The following RAD51B variants were observed in gnomAD, a reference collection of about 807,000 sequenced individuals.
RAD51B encodes the protein RAD51 paralog B, also known as DNA repair protein RAD51 homolog 2.
RAD51B carries 38 observed loss-of-function variants against 42.2 expected under a neutral mutation model. That is an observed-to-expected ratio of 0.90 (90% confidence interval 0.70 to 1.18). The LOEUF (loss-of-function observed/expected upper bound fraction) is 1.18. Among genes scored for constraint, RAD51B ranks in the 50% most tolerant of loss-of-function variants. The probability of loss-of-function intolerance (pLI) is 0.00; values close to 1 mark genes in which losing one functional copy is unlikely to be tolerated. For synonymous variants in RAD51B, 154 were observed against 145.2 expected (o/e 1.06, Z -0.43); for missense variants, 373 against 400.7 (o/e 0.93, Z 0.59).
At chr14:68,021,504 T>C (rs1257026627) in intron 7 of RAD51B, among the ~76,000 whole-genome samples, 2 of 152,230 alleles carry the variant, frequency 1.3e-5, no homozygotes. Flanking sequence ...CGTCATTTTT[T>C]CACCTACTAT....
Position 68,508,966 on chromosome 14 carries a change from T to G in RAD51B, c.1036+40716T>G, listed in dbSNP as rs569238058. On this transcript the variant is annotated intron_variant, in intron 10 of 10. Transcript: ENST00000487270. ...TGGCTCTCCATCACTGTGCCTGCCA[T>G]GCAATCATAATCCTCCCCTTTCTGT... 2.6e-5 allele frequency among the ~76,000 whole-genome samples: 4 copies of G among 152,354 alleles called. No homozygotes were observed. The East Asian group carries it at 5.8e-4, about 22-fold the overall frequency.
intron 9 of RAD51B, among the ~76,000 whole-genome samples, chr14:68,432,839 G>A (rs1053577343): frequency 6.6e-6 from 1 of 152,120 alleles, no homozygotes; most frequent in African/African-American, 2.4e-5. Context: ...GTTTCTTCCT[G>A]GCATCGATGG....
chr14:68,087,375 C>CAAAGTACCTCTAGCCAGTCTACCTTAAA (rs2140505006), intron 7 of RAD51B, among the ~76,000 whole-genome samples: 1 of 152,230 alleles, frequency 6.6e-6, no homozygotes, highest in East Asian at 1.9e-4. Context: ...TTCCCATTGT[C>CAAAGTACCTCTAGCCAGTCTACCTTAAA]AAAGTACCTC....
At chr14:68,186,279 A>G (rs1339841363) in intron 7 of RAD51B, among the ~76,000 whole-genome samples, 1 of 152,234 alleles carries the variant, frequency 6.6e-6, no homozygotes, top group Non-Finnish European at 1.5e-5. Context: ...AACCTAGGAA[A>G]TACCATTTTG....
At chr14:68,358,476 C>T (rs1030602267) in intron 8 of RAD51B, among the ~76,000 whole-genome samples, 1 of 152,204 alleles carries the variant, frequency 6.6e-6, no homozygotes, top group Non-Finnish European at 1.5e-5. Context: ...TTTGCATGAC[C>T]ATCAGCAGTG....
intron 4 of RAD51B, among the ~76,000 whole-genome samples, chr14:67,850,853 C>T (rs1183387912): frequency 6.6e-6 from 1 of 152,130 alleles, no homozygotes. Flanking sequence ...GATTGTTGCC[C>T]AGTCACACCC....
intron 7 of RAD51B, among the ~76,000 whole-genome samples, chr14:67,929,052 T>C (rs2044633674): frequency 6.6e-6 from 1 of 152,136 alleles, no homozygotes; most frequent in African/African-American, 2.4e-5. Flanking sequence ...TTTCCAATGA[T>C]CAACGTTTTG....
chr14:67,823,046 T>C (rs914324548), intron 1 of RAD51B, among the ~76,000 whole-genome samples: 2 of 152,206 alleles, frequency 1.3e-5, no homozygotes, highest in African/African-American at 4.8e-5. Flanking sequence ...AATGTGATAA[T>C]TTAGATAAGT....
At chr14:68,493,263 A>G (rs1884223876) in intron 10 of RAD51B, among the ~76,000 whole-genome samples, 1 of 152,248 alleles carries the variant, frequency 6.6e-6, no homozygotes, top group Non-Finnish European at 1.5e-5. Flanking sequence ...TTTGTGCTCA[A>G]AATCTCACTA....
chr14:68,649,554 G>A (rs1892656537), intron 10 of RAD51B, among the ~76,000 whole-genome samples: 26 of 152,186 alleles, frequency 1.7e-4, no homozygotes, highest in Admixed American at 1.7e-3. Flanking sequence ...CCATTTTCAA[G>A]TCTAGGTTCC....
rs915848773 is a variant in RAD51B at position 68,358,626 on chromosome 14, T to C, written c.854-52798T>C. Among the ~76,000 whole-genome samples, 4 of 152,210 alleles carry C rather than the reference T, an allele frequency of 2.6e-5. No homozygotes were observed. The South Asian group carries it at 8.3e-4, about 31-fold the overall frequency. On this transcript the variant is annotated intron_variant, in intron 8 of 10. Coordinates refer to ENST00000471583, the MANE Select transcript of RAD51B (RefSeq NM_133510.4). The stretch of plus-strand genomic sequence containing the variant: ...CTTTGATTACTAGTGAGATGAAGCA[T>C]CTTTTTGTATGTTTATTGCCCACTT...
chr14:67,864,839 T>A, intron 4 of RAD51B, 164 bp from the exon 5 acceptor site: 2 of 1,143,922 alleles, frequency 1.7e-6, no homozygotes, highest in Non-Finnish European at 2.5e-6. Flanking sequence ...AGTTAATTCA[T>A]TCCATACAAT....
At chr14:68,222,782 A>C (rs571388075) in intron 7 of RAD51B, among the ~76,000 whole-genome samples, 2 of 152,258 alleles carry the variant, frequency 1.3e-5, no homozygotes, top group South Asian at 4.2e-4. Context: ...TATGCCTGGA[A>C]ATACCTCACA....
chr14:67,848,563 G>A (rs1248762799), intron 4 of RAD51B, among the ~76,000 whole-genome samples: 3 of 151,918 alleles, frequency 2.0e-5, no homozygotes, highest in African/African-American at 7.3e-5. Flanking sequence ...TTTTAAGTGG[G>A]GTGTTTAGAA....
At chr14:68,049,041 A>G (rs1195428446) in intron 7 of RAD51B, among the ~76,000 whole-genome samples, 1 of 152,210 alleles carries the variant, frequency 6.6e-6, no homozygotes, top group Non-Finnish European at 1.5e-5. Flanking sequence ...AAAAATGATG[A>G]GTTCATGTCC....
chr14:68,351,098 G>C (rs1410066109), intron 8 of RAD51B, among the ~76,000 whole-genome samples: 2 of 152,204 alleles, frequency 1.3e-5, no homozygotes, highest in Non-Finnish European at 2.9e-5. Flanking sequence ...GTAGGATACA[G>C]AGACAAGTAA....
intron 8 of RAD51B, among the ~76,000 whole-genome samples, chr14:68,336,239 A>G (rs560297312): frequency 2.0e-5 from 3 of 152,344 alleles, no homozygotes; most frequent in Admixed American, 2.0e-4. Context: ...TGGTTCTGCC[A>G]TCTTTTGCTT....
chr14:68,134,609 A>G (rs978303769), intron 7 of RAD51B, among the ~76,000 whole-genome samples: 3 of 152,164 alleles, frequency 2.0e-5, no homozygotes, highest in South Asian at 2.1e-4. Context: ...ATTAATTTTT[A>G]AATGCCATTT....
chr14:68,631,890 A>G lies in RAD51B; in HGVS notation c.1037-18891A>G, dbSNP rs998769784. Among the ~76,000 whole-genome samples, 3 of 152,288 alleles carry G rather than the reference A, an allele frequency of 2.0e-5. 1 individual carries two copies. In the South Asian group the frequency reaches 6.2e-4, roughly 32 times the overall value. On this transcript the variant is annotated intron_variant, in intron 10 of 11. Transcript: ENST00000488612. ...GCTCTGTCCACACTGTATAACCATC[A>G]CTGGCTGGCCTGGGAGAGTTTGAAG... is the stretch of plus-strand genomic sequence containing the variant.
Sources: gnomAD v4.1 joint callset for allele counts (sites outside exome capture counted in the v4.1 genomes callset) on GRCh38, gnomAD v4.1.1 for gene constraint, MANE v1.5 for transcripts, NCBI Gene and HGNC (gene_info 2026-07-23, HGNC 2026-07-21) for gene names.